The following NBDY variants were observed in gnomAD, a reference collection of about 807,000 sequenced individuals.
NBDY encodes the protein P-body dissociating protein.
chrX:56,811,067 G>T (rs1371319692), intron 2 of NBDY: 1 of 112,448 alleles, frequency 8.9e-6, no homozygotes, highest in Non-Finnish European at 1.9e-5. Flanking sequence ...TGTTTGCCTG[G>T]GTATCACTAG....
chrX:56,767,589 G>C (rs1810171685), intron 2 of NBDY, among the ~76,000 whole-genome samples: 1 of 113,514 alleles, frequency 8.8e-6, no homozygotes, highest in Non-Finnish European at 1.9e-5. Flanking sequence ...ACTCCGAGCA[G>C]CCAGTTGGAC....
chrX:56,764,743 C>CATCTCACCT (rs1382025967), intron 2 of NBDY, among the ~76,000 whole-genome samples: 1 of 105,365 alleles, frequency 9.5e-6, no homozygotes, highest in East Asian at 3.1e-4. Context: ...TAGGAGCACC[C>CATCTCACCT]ATCTCACCTA....
At chrX:56,732,400 A>G (rs1334519186) in intron 2 of NBDY, among the ~76,000 whole-genome samples, 1 of 111,902 alleles carries the variant, frequency 8.9e-6, no homozygotes, top group East Asian at 2.8e-4. Flanking sequence ...TTGTACTTAT[A>G]GTTTCTATTA....
At chrX:56,759,424 C>T (rs1354483562) in intron 2 of NBDY, among the ~76,000 whole-genome samples, 1 of 112,358 alleles carries the variant, frequency 8.9e-6, no homozygotes, top group Non-Finnish European at 1.9e-5. Flanking sequence ...CCTACCAGGC[C>T]TTGGTCATTG....
chrX:56,804,135 G>T (rs990893879), intron 2 of NBDY, among the ~76,000 whole-genome samples: 1 of 111,922 alleles, frequency 8.9e-6, no homozygotes, highest in Non-Finnish European at 1.9e-5. Flanking sequence ...CTCTGAATTT[G>T]CACAAGCCTC....
Position 56,741,217 on chromosome X carries a change from A to G in NBDY, c.*166+9018A>G, listed in dbSNP as rs187321323. On this transcript the variant is annotated intron_variant, in intron 2 of 2. Transcript: ENST00000374922. The stretch of plus-strand genomic sequence containing the variant: ...TAGTACTCCACTATGTATATATACC[A>G]CATTTTCTTCGTTCATGTATCTGTT... 3.6e-5 allele frequency among the ~76,000 whole-genome samples: 4 copies of G among 111,783 alleles called. No individual in the cohort carries two copies. In the Admixed American group the frequency reaches 3.8e-4, roughly 11 times the overall value.
chrX:56,754,219 A>G (rs764591355), intron 2 of NBDY, among the ~76,000 whole-genome samples: 1 of 111,494 alleles, frequency 9.0e-6, no homozygotes, highest in South Asian at 3.8e-4. Context: ...GGAGAAATAA[A>G]CAGTTCCACA....
intron 2 of NBDY, among the ~76,000 whole-genome samples, chrX:56,810,852 C>A (rs991186007): frequency 5.4e-5 from 6 of 111,560 alleles, no homozygotes; most frequent in Non-Finnish European, 7.5e-5. Flanking sequence ...GAATTTTCAA[C>A]CTTTTTGTGC....
At chrX:56,800,028 G>A (rs1219952963) in intron 2 of NBDY, among the ~76,000 whole-genome samples, 1 of 111,109 alleles carries the variant, frequency 9.0e-6, no homozygotes, top group African/African-American at 3.3e-5. Flanking sequence ...GTTTAGGCCT[G>A]TGTGTGGGCC....
chrX:56,799,045 C>T (rs1375699750), intron 2 of NBDY, among the ~76,000 whole-genome samples: 1 of 112,005 alleles, frequency 8.9e-6, no homozygotes, highest in Non-Finnish European at 1.9e-5. Context: ...CTGAGGAACG[C>T]TCGGGAGTGC....
intron 2 of NBDY, among the ~76,000 whole-genome samples, chrX:56,748,012 G>A (rs1190200760): frequency 9.0e-6 from 1 of 111,212 alleles, no homozygotes; most frequent in African/African-American, 3.3e-5. Context: ...TGGAACTCCT[G>A]GACATGGGCT....
At chrX:56,813,353 C>T (rs2069896314) in intron 2 of NBDY, among the ~76,000 whole-genome samples, 2 of 110,753 alleles carry the variant, frequency 1.8e-5, no homozygotes, top group African/African-American at 6.6e-5. Context: ...TGTTGCCTTT[C>T]TTTCCAGCCC....
At chrX:56,783,357 G>T (rs1412035006) in intron 2 of NBDY, among the ~76,000 whole-genome samples, 4 of 113,189 alleles carry the variant, frequency 3.5e-5, no homozygotes, top group Non-Finnish European at 7.5e-5. Context: ...GGGCTTTCTT[G>T]CCCCACTGTG....
chrX:56,789,931 A>G (rs2069752109), intron 2 of NBDY, among the ~76,000 whole-genome samples: 1 of 111,380 alleles, frequency 9.0e-6, no homozygotes, highest in Non-Finnish European at 1.9e-5. Flanking sequence ...GCGTGTCGAA[A>G]TGGAGGTTGA....
chrX:56,736,582 A>G (rs2069495212), intron 2 of NBDY, among the ~76,000 whole-genome samples: 1 of 112,842 alleles, frequency 8.9e-6, no homozygotes, highest in South Asian at 3.6e-4. Context: ...TCTAATTTAT[A>G]TTTTTAAAAA....
intron 2 of NBDY, among the ~76,000 whole-genome samples, chrX:56,765,483 C>G (rs1320503093): frequency 2.7e-5 from 3 of 111,673 alleles, no homozygotes; most frequent in Non-Finnish European, 3.8e-5. Context: ...CAGGAAATAC[C>G]CCATCAACAA....
intron 2 of NBDY, among the ~76,000 whole-genome samples, chrX:56,759,722 G>A (rs1025084501): frequency 3.6e-5 from 4 of 111,483 alleles, no homozygotes; most frequent in Non-Finnish European, 7.5e-5. Context: ...GAGGAGAGAG[G>A]AACTCCTGAC....
intron 2 of NBDY, among the ~76,000 whole-genome samples, chrX:56,760,435 C>T (rs111368809): frequency 0.092 from 10,304 of 112,350 alleles, 876 homozygotes; most frequent in African/African-American, 0.26. Context: ...CCTGTAATCC[C>T]AGCACTTTGG....
intron 2 of NBDY, among the ~76,000 whole-genome samples, chrX:56,795,828 G>A (rs961720413): frequency 7.1e-5 from 8 of 112,677 alleles, no homozygotes; most frequent in Non-Finnish European, 1.5e-4. Context: ...GGGAAAACGC[G>A]AGAATAAAAG....
Sources: gnomAD v4.1 joint callset for allele counts (sites outside exome capture counted in the v4.1 genomes callset) on GRCh38, gnomAD v4.1.1 for gene constraint, MANE v1.5 for transcripts, NCBI Gene and HGNC (gene_info 2026-07-23, HGNC 2026-07-21) for gene names.